The following CISD1 variants were observed in gnomAD, a reference collection of about 807,000 sequenced individuals.
CISD1 encodes the protein CDGSH iron-sulfur domain-containing protein 1.
In CISD1, 8 loss-of-function variants were observed where a neutral mutation model predicts 12.0. That is an observed-to-expected ratio of 0.67 (90% CI 0.39 to 1.20). The LOEUF is 1.20. Ranked by LOEUF, CISD1 falls within the 50% of genes most tolerant of loss-of-function variation. The pLI, the probability that CISD1 is intolerant of heterozygous loss-of-function variation, is 0.01. For missense variants in CISD1, 107 were observed against 132.7 expected (o/e 0.81, Z 0.95); for synonymous variants, 38 against 42.2 (o/e 0.90, Z 0.39).
chr10:58,275,158 G>A (rs1309139987), intron 1 of CISD1, among the ~76,000 whole-genome samples: 2 of 152,174 alleles, frequency 1.3e-5, no homozygotes, highest in Non-Finnish European at 2.9e-5. Flanking sequence ...CCCCCTTTAA[G>A]TTTGTACTAA....
chr10:58,286,095 C>T (rs1233903664), intron 2 of CISD1, among the ~76,000 whole-genome samples: 1 of 151,310 alleles, frequency 6.6e-6, no homozygotes, highest in Non-Finnish European at 1.5e-5. Context: ...GTCCCAGCTA[C>T]TCAGGAGTCT....
In CISD1 at chr10:58,270,559, A is replaced by G. The variant is rs561960177; in HGVS notation, c.31+1255A>G. 5.3e-5 allele frequency among the ~76,000 whole-genome samples: 8 copies of G among 152,360 alleles called. No homozygotes were observed. In the South Asian group the frequency reaches 1.7e-3, roughly 32 times the overall value. On this transcript the variant is annotated intron_variant, in intron 1 of 2. Coordinates refer to ENST00000333926, the MANE Select transcript of CISD1 (RefSeq NM_018464.5). ...AGACTGCACATGTTTGAGGTGGACCAAAAGATTCCACAGTGTGTGTTTAAA... is the reference window on the plus strand; with the variant it reads ...AGACTGCACATGTTTGAGGTGGACCGAAAGATTCCACAGTGTGTGTTTAAA...
chr10:58,285,778 T>C (rs116945511), intron 2 of CISD1, among the ~76,000 whole-genome samples: 2 of 152,284 alleles, frequency 1.3e-5, no homozygotes, highest in Non-Finnish European at 2.9e-5. Flanking sequence ...TAAATTATAA[T>C]AGTGATTAAA....
Position 58,287,695 on chromosome 10 carries a change from TG to T in CISD1, c.*46del. 1 of 1,311,164 alleles carries T rather than the reference TG, an allele frequency of 7.6e-7. No individual in the cohort carries two copies. Among genetic ancestry groups the T allele is most frequent in the South Asian group, 1.3e-5 (1 of 77,994 alleles). 81.2% of individuals were successfully genotyped at this position (1,311,164 alleles called of 1,614,324 possible). A position where few individuals can be genotyped will look rare whatever the true frequency, so the allele number is the denominator to read the frequency against. Reference sequence around the variant, plus strand: ...CAAATCAGCTTGTCGTGAAGTTACCTGATTGTTTAATTAGAATGACTACCAC... The same window carrying T: ...CAAATCAGCTTGTCGTGAAGTTACCTATTGTTTAATTAGAATGACTACCAC... On this transcript the variant is annotated 3_prime_UTR_variant, in exon 3 of 3. Coordinates refer to ENST00000333926, the MANE Select transcript of CISD1 (RefSeq NM_018464.5).
intron 2 of CISD1, 100 bp from the exon 3 acceptor site, chr10:58,287,461 A>C: frequency 2.7e-6 from 2 of 746,806 alleles, no homozygotes; most frequent in Middle Eastern, 4.9e-4. Flanking sequence ...ATAGCCAAGA[A>C]AATCTTTATG....
intron 2 of CISD1, among the ~76,000 whole-genome samples, chr10:58,277,854 G>C (rs1839333092): frequency 6.6e-6 from 1 of 152,002 alleles, no homozygotes. Flanking sequence ...AGCAGAAGAA[G>C]TAAAAATTTT....
At chr10:58,279,564 C>T (rs1839352600) in intron 2 of CISD1, among the ~76,000 whole-genome samples, 1 of 152,084 alleles carries the variant, frequency 6.6e-6, no homozygotes, top group African/African-American at 2.4e-5. Flanking sequence ...AATTAATAGG[C>T]TCATTACAAC....
chr10:58,269,983 G>C (rs1190345719), intron 1 of CISD1, among the ~76,000 whole-genome samples: 1 of 152,132 alleles, frequency 6.6e-6, no homozygotes, highest in Non-Finnish European at 1.5e-5. Context: ...AAAATTAAGA[G>C]ACTTTATAAG....
chr10:58,285,046 T>C (rs1429923326), intron 2 of CISD1, among the ~76,000 whole-genome samples: 2 of 152,208 alleles, frequency 1.3e-5, no homozygotes, highest in Non-Finnish European at 2.9e-5. Context: ...GCCTCTTTCC[T>C]CATCCATGCC....
intron 1 of CISD1, among the ~76,000 whole-genome samples, chr10:58,274,440 CTT>C (rs34405014): frequency 7.6e-5 from 6 of 79,132 alleles, no homozygotes; most frequent in African/African-American, 1.1e-4. Context: ...AAAATAACAA[CTT>C]TTTTTTTTTT....
rs1839443235 is a variant in CISD1, at chr10:58,287,632, C to T, written c.309C>T (p.Ile103=). Residue 103 remains isoleucine, a synonymous_variant, in exon 3 of 3, where the codon ATC becomes ATT. Transcript: ENST00000333926. ...GAGACAATGTGGGCCCTCTGATCATCAAGAAAAAAGAAACTTAAATGGACA... is the reference window on the plus strand; with the variant it reads ...GAGACAATGTGGGCCCTCTGATCATTAAGAAAAAAGAAACTTAAATGGACA... ...ETGDNVGPLI[I]KKKET is the part of the protein sequence containing the mutation. 4 of 1,607,692 alleles carry T rather than the reference C, an allele frequency of 2.5e-6. No individual in the cohort carries two copies. The highest frequency in any genetic ancestry group is 3.4e-6 in the Non-Finnish European group (4 of 1,176,230).
At chr10:58,279,967 GT>G (rs1433485207) in intron 2 of CISD1, among the ~76,000 whole-genome samples, 6 of 152,202 alleles carry the variant, frequency 3.9e-5, no homozygotes, top group African/African-American at 1.4e-4. Context: ...CCCAGTCTCT[GT>G]TTTTTGTTTG....
At chr10:58,285,996 G>A (rs1021484353) in intron 2 of CISD1, among the ~76,000 whole-genome samples, 6 of 152,038 alleles carry the variant, frequency 3.9e-5, no homozygotes, top group African/African-American at 1.2e-4. Context: ...ACGAGGTCAG[G>A]AGATCGAGAC....
chr10:58,273,222 G>A (rs947870583), intron 1 of CISD1, among the ~76,000 whole-genome samples: 2 of 152,024 alleles, frequency 1.3e-5, no homozygotes, highest in African/African-American at 2.4e-5. Flanking sequence ...TAGAAAAATT[G>A]CACATAGGAA....
intron 2 of CISD1, among the ~76,000 whole-genome samples, chr10:58,281,201 TTTA>T (rs1421172496): frequency 1.3e-5 from 2 of 152,214 alleles, no homozygotes; most frequent in African/African-American, 4.8e-5. Flanking sequence ...GGTGTAAATG[TTTA>T]TTAGACTTTA....
In CISD1 at chr10:58,277,327, G is replaced by C; in HGVS notation, c.237+5G>C. 6.4e-7 allele frequency: 1 copy of C among 1,562,678 alleles called. No individual in the cohort carries two copies. Among genetic ancestry groups the C allele is most frequent in the Non-Finnish European group, 8.7e-7 (1 of 1,153,988 alleles). ...CGTTGTTGGAGGTCCAAAAAGGTGA[G>C]GAAAGCAATTCCTTCATACAGTACC... On this transcript the variant is annotated splice_donor_5th_base_variant and intron_variant, in intron 2 of 2. Transcript: ENST00000333926.
chr10:58,273,006 A>G (rs931035172), intron 1 of CISD1, among the ~76,000 whole-genome samples: 6 of 152,222 alleles, frequency 3.9e-5, no homozygotes, highest in Admixed American at 3.3e-4. Flanking sequence ...AATGGGATTC[A>G]TTATAGTATT....
chr10:58,271,147 C>T (rs1013890048), intron 1 of CISD1, among the ~76,000 whole-genome samples: 4 of 149,464 alleles, frequency 2.7e-5, no homozygotes, highest in Admixed American at 1.3e-4. Context: ...TCATGCCATT[C>T]TCCTGCCTCA....
At position 58,287,625 on chromosome 10, in the gene CISD1, T is replaced by C; in HGVS notation, c.302T>C (p.Leu101Pro). ...GAGACTGGAGACAATGTGGGCCCTC[T>C]GATCATCAAGAAAAAAGAAACTTAA... The part of the protein sequence containing the change: ...NEETGDNVGP[L>P]IIKKKET Residue 101 changes from leucine to proline, a missense_variant, in exon 3 of 3, where the codon CTG becomes CCG. Coordinates refer to ENST00000333926, the MANE Select transcript of CISD1 (RefSeq NM_018464.5). The C allele has an allele frequency of 6.2e-7, 1 of 1,610,306 alleles. No individual in the cohort carries two copies. The highest frequency in any genetic ancestry group is 8.5e-7 in the Non-Finnish European group (1 of 1,177,702).
Sources: gnomAD v4.1 joint callset for allele counts (sites outside exome capture counted in the v4.1 genomes callset) on GRCh38, gnomAD v4.1.1 for gene constraint, MANE v1.5 for transcripts, NCBI Gene and HGNC (gene_info 2026-07-23, HGNC 2026-07-21) for gene names.